The following GRTP1 variants were observed in gnomAD, a reference collection of about 807,000 sequenced individuals.
GRTP1 encodes growth hormone regulated TBC protein 1.
A neutral mutation model predicts 38.1 loss-of-function variants in GRTP1; 56 were observed. The observed-to-expected ratio is 1.47, with a 90% CI of 1.19 to 1.84. The LOEUF (loss-of-function observed/expected upper bound fraction) is 1.84, where lower values mean the gene tolerates loss of function less well. GRTP1 is among the 40% of genes most tolerant of loss of function. GRTP1 has a pLI of 0.00. For missense variants in GRTP1, 506 were observed against 453.9 expected (o/e 1.11, Z -1.04); for synonymous variants, 217 against 189.5 (o/e 1.14, Z -1.19).
At chr13:113,350,150 CCAGCGACAGGCCCAGG>C (rs2139492355) in intron 4 of GRTP1, among the ~76,000 whole-genome samples, 1 of 152,238 alleles carries the variant, frequency 6.6e-6, no homozygotes, top group South Asian at 2.1e-4. Flanking sequence ...AACAGCACCA[CCAGCGACAGGCCCAGG>C]CAGGACACAC....
chr13:113,334,092 C>T (rs576034408), intron 5 of GRTP1, among the ~76,000 whole-genome samples: 1 of 152,302 alleles, frequency 6.6e-6, no homozygotes, highest in African/African-American at 2.4e-5. Context: ...ACCTCAGCCT[C>T]CCAAAGTGCT....
rs7337607 is a variant in GRTP1 at position 113,343,499 on chromosome 13, T to G, written c.562+1364A>C. 6.6e-6 allele frequency among the ~76,000 whole-genome samples: 1 copy of G among 152,002 alleles called. No individual in the cohort carries two copies. The highest frequency in any genetic ancestry group is 2.4e-5 in the African/African-American group (1 of 41,338). ...GGCGCTGATTCCTCCCTGCCCTTAA[T>G]GATGCACTTGAGCTTTGCCCCATCC... On this transcript the variant is annotated intron_variant, in intron 5 of 7. Transcript: ENST00000375431. This position sits in a 1 kb window ranked among gnomAD's most constrained non-coding sequence, Gnocchi z 4.8.
At chr13:113,331,373 A>G (rs2042868801) in intron 5 of GRTP1, among the ~76,000 whole-genome samples, 1 of 152,130 alleles carries the variant, frequency 6.6e-6, no homozygotes, top group Admixed American at 6.5e-5. Flanking sequence ...GTGAGTGACC[A>G]CAGCTGCGGG....
chr13:113,344,978 GAAAC>G lies in GRTP1; in HGVS notation c.466-23_466-20del. ...TCATTCCCTGAAATTAGAAAAATGAGAAACAAATTCACATTGAGTTTTAAGCCCC... is the reference window on the plus strand; with the variant it reads ...TCATTCCCTGAAATTAGAAAAATGAGAAATTCACATTGAGTTTTAAGCCCC... On this transcript the variant is annotated intron_variant, in intron 4 of 7. Transcript: ENST00000375431. The G allele has an allele frequency of 6.3e-7, 1 of 1,586,684 alleles. No homozygotes were observed. The highest frequency in any genetic ancestry group is 8.5e-7 in the Non-Finnish European group (1 of 1,173,510).
At chr13:113,362,381 G>C (rs1014086089) in intron 2 of GRTP1, among the ~76,000 whole-genome samples, 4 of 152,098 alleles carry the variant, frequency 2.6e-5, no homozygotes, top group Non-Finnish European at 5.9e-5. Context: ...AAAGACACAC[G>C]TTCCACTGGA....
intron 5 of GRTP1, among the ~76,000 whole-genome samples, chr13:113,330,514 AG>A (rs2042848660): frequency 7.3e-6 from 1 of 136,478 alleles, no homozygotes; most frequent in South Asian, 2.4e-4. Flanking sequence ...ATGGGAGCCC[AG>A]GTGTGTGCAT....
chr13:113,328,168 C>G (rs2042803215), intron 5 of GRTP1, among the ~76,000 whole-genome samples: 1 of 152,216 alleles, frequency 6.6e-6, no homozygotes. Flanking sequence ...CGCTATCCCC[C>G]CAGGCTCCTT....
At chr13:113,338,587 C>T (rs1255698966) in intron 5 of GRTP1, among the ~76,000 whole-genome samples, 1 of 152,184 alleles carries the variant, frequency 6.6e-6, no homozygotes, top group Non-Finnish European at 1.5e-5. Context: ...GTATGAGCTA[C>T]TTAATCCCCA....
intron 2 of GRTP1, among the ~76,000 whole-genome samples, chr13:113,357,172 C>A (rs9604080): frequency 9.4e-5 from 2 of 21,244 alleles, no homozygotes; most frequent in African/African-American, 4.9e-4. Context: ...TAGCTGGACG[C>A]GGTGGCTCAT....
chr13:113,329,902 G>A (rs989739953), intron 5 of GRTP1, among the ~76,000 whole-genome samples: 12 of 152,238 alleles, frequency 7.9e-5, no homozygotes, highest in Admixed American at 2.6e-4. Flanking sequence ...AGATAATGGC[G>A]TCAATGCCAA....
chr13:113,328,167 C>T (rs1347365170), intron 5 of GRTP1, among the ~76,000 whole-genome samples: 2 of 152,208 alleles, frequency 1.3e-5, no homozygotes, highest in Admixed American at 1.3e-4. Flanking sequence ...CCGCTATCCC[C>T]CCAGGCTCCT....
chr13:113,325,378 G>A, intron 7 of GRTP1: 3 of 1,428,688 alleles, frequency 2.1e-6, no homozygotes, highest in Non-Finnish European at 2.7e-6. Context: ...CGGGCCTCGG[G>A]AAGCCACACT....
intron 3 of GRTP1, among the ~76,000 whole-genome samples, chr13:113,354,072 C>T (rs886467534): frequency 4.7e-4 from 72 of 152,180 alleles, no homozygotes; most frequent in African/African-American, 1.6e-3. Context: ...TGACACCTGT[C>T]ATAAAAAATA....
chr13:113,347,807 T>C (rs369789225), intron 4 of GRTP1, among the ~76,000 whole-genome samples: 316 of 106,304 alleles, frequency 3.0e-3, no homozygotes, highest in African/African-American at 7.0e-3. Flanking sequence ...TGAGCGGATC[T>C]GGGAGGACCT....
chr13:113,341,116 G>T (rs2043020509), intron 5 of GRTP1, among the ~76,000 whole-genome samples: 1 of 150,764 alleles, frequency 6.6e-6, no homozygotes, highest in African/African-American at 2.4e-5. Context: ...GTGTGATCTT[G>T]GCTCACTACA....
In GRTP1 at chr13:113,350,844, C is replaced by G. The variant is rs757865260; in HGVS notation, c.465+5G>C. The G allele has an allele frequency of 1.3e-5, 21 of 1,563,760 alleles. No individual in the cohort carries two copies. In the East Asian group the frequency reaches 4.8e-4, roughly 36 times the overall value. On this transcript the variant is annotated splice_donor_5th_base_variant and intron_variant, in intron 4 of 7. Transcript: ENST00000375431. ...CTCATGGCGTCAGAGGGTCCCGAGGCTCACCTGGCAGTAGCCCACTCCCTG... is the reference window on the plus strand; with the variant it reads ...CTCATGGCGTCAGAGGGTCCCGAGGGTCACCTGGCAGTAGCCCACTCCCTG...
intron 7 of GRTP1, chr13:113,325,241 C>G: frequency 3.3e-6 from 4 of 1,202,632 alleles, no homozygotes; most frequent in Non-Finnish European, 4.1e-6. Context: ...ACTACTGACT[C>G]CCAGGCCTGA....
At chr13:113,363,595 G>T (rs1336188448) in intron 2 of GRTP1, among the ~76,000 whole-genome samples, 167 bp downstream of exon 2, 1 of 152,198 alleles carries the variant, frequency 6.6e-6, no homozygotes, top group Admixed American at 6.5e-5. Flanking sequence ...CTCAAAGCGG[G>T]AAAACCGGTC....
chr13:113,325,422 T>C, intron 7 of GRTP1: 1 of 1,442,366 alleles, frequency 6.9e-7, no homozygotes, highest in South Asian at 1.5e-5. Flanking sequence ...AGTACAGCCA[T>C]TAGGACCAGG....
Sources: gnomAD v4.1 joint callset for allele counts (sites outside exome capture counted in the v4.1 genomes callset) on GRCh38, gnomAD v4.1.1 for gene constraint, Gnocchi (gnomAD v3.1) non-coding constraint, MANE v1.5 for transcripts, NCBI Gene and HGNC (gene_info 2026-07-23, HGNC 2026-07-21) for gene names.